Variants in NFE2L3 observed in about 807,000 individuals in gnomAD.
NFE2L3 encodes NFE2 like bZIP transcription factor 3, also known as nuclear factor erythroid 2-related factor 3.
In NFE2L3, 18 loss-of-function variants were observed where a neutral mutation model predicts 23.5. The observed-to-expected ratio is 0.77, with a 90% CI of 0.53 to 1.13. NFE2L3 has a LOEUF of 1.13. Among genes scored for constraint, NFE2L3 ranks in the 50% most tolerant of loss-of-function variants. NFE2L3 has a pLI of 0.00. For missense variants in NFE2L3, 1,152 were observed against 877.2 expected, an observed-to-expected ratio of 1.31 and a Z score of -3.96; for synonymous variants, 424 against 354.5, an observed-to-expected ratio of 1.20 and a Z score of -2.20.
intron 2 of NFE2L3, among the ~76,000 whole-genome samples, chr7:26,183,391 TACA>T (rs1782380040): frequency 6.6e-6 from 1 of 151,832 alleles, no homozygotes; most frequent in Non-Finnish European, 1.5e-5. Flanking sequence ...CTACTAAAAA[TACA>T]AAAATTAGCC....
intron 1 of NFE2L3, among the ~76,000 whole-genome samples, chr7:26,156,848 C>A (rs1784089587): frequency 6.6e-6 from 1 of 151,586 alleles, no homozygotes; most frequent in African/African-American, 2.4e-5. Flanking sequence ...TGTGGTGGCT[C>A]ACACCTGTAA....
At position 26,152,529 on chromosome 7, in the gene NFE2L3, G is replaced by A. The variant is rs1157461126; in HGVS notation, c.31G>A (p.Gly11Ser). 1 of 1,421,814 alleles carries A rather than the reference G, an allele frequency of 7.0e-7. No homozygotes were observed. The highest frequency in any genetic ancestry group is 1.6e-5 in the South Asian group (1 of 63,736). 88.1% of individuals were successfully genotyped at this position (1,421,814 alleles called of 1,614,324 possible). A position where few individuals can be genotyped will look rare whatever the true frequency, so the allele number is the denominator to read the frequency against. Reference sequence around the variant, plus strand: ...GCACCTGAAGCGGTGGTGGTCGGCCGGCGGCGGCCTCCTGCACCTCACCCT... The same window carrying A: ...GCACCTGAAGCGGTGGTGGTCGGCCAGCGGCGGCCTCCTGCACCTCACCCT... MKHLKRWWSA[G>S]GGLLHLTLLL... Residue 11 changes from glycine to serine, a missense_variant, in exon 1 of 4, where the codon GGC becomes AGC. By Grantham distance (56) the Gly-to-Ser change is moderately conservative. Coordinates refer to ENST00000056233, the MANE Select transcript of NFE2L3 (RefSeq NM_004289.7). This position sits in a 1 kb window ranked among gnomAD's most constrained non-coding sequence, Gnocchi z 4.4.
rs183141232 is a variant in NFE2L3, at chr7:26,168,772, C to T, written c.571-9171C>T. Among the ~76,000 whole-genome samples the T allele has an allele frequency of 3.3e-3, 501 of 152,132 alleles. 4 individuals carry two copies. Among genetic ancestry groups the T allele is most frequent in the Admixed American group, 6.6e-3 (101 of 15,268 alleles). Reference sequence around the variant, plus strand: ...ATTGCTGGATCAAATGGTAGTTCTACTCTTAGTTCTTTAAGGAATCTCCGT... The same window carrying T: ...ATTGCTGGATCAAATGGTAGTTCTATTCTTAGTTCTTTAAGGAATCTCCGT... On this transcript the variant is annotated intron_variant, in intron 1 of 3. Coordinates refer to ENST00000056233, the MANE Select transcript of NFE2L3 (RefSeq NM_004289.7).
At chr7:26,160,616 TTTC>T (rs757762453) in intron 1 of NFE2L3, among the ~76,000 whole-genome samples, 1 of 152,192 alleles carries the variant, frequency 6.6e-6, no homozygotes, top group Admixed American at 6.5e-5. Context: ...TCAGGGAGAA[TTTC>T]TTCTTTATCA....
chr7:26,186,703 T>TA lies in NFE2L3; in HGVS notation c.*922dup, dbSNP rs1221490171. 1.2e-4 allele frequency: 18 copies of TA among 152,202 alleles called. No homozygotes were observed. Among genetic ancestry groups the TA allele is most frequent in the African/African-American group, 4.3e-4 (18 of 41,540 alleles). The allele number at this position is 152,202 out of a possible 1,614,324, so 9.4% of individuals were successfully genotyped here. ...ATACTGAGATCTCACCAGAACACTGTAAGCCATATAAACAGTAGGGAAAGA... is the reference window on the plus strand; with the variant it reads ...ATACTGAGATCTCACCAGAACACTGTAAAGCCATATAAACAGTAGGGAAAGA... On this transcript the variant is annotated 3_prime_UTR_variant, in exon 4 of 4. Coordinates refer to ENST00000056233, the MANE Select transcript of NFE2L3 (RefSeq NM_004289.7).
At chr7:26,169,669 C>T (rs1784307531) in intron 1 of NFE2L3, among the ~76,000 whole-genome samples, 1 of 152,224 alleles carries the variant, frequency 6.6e-6, no homozygotes, top group South Asian at 2.1e-4. Flanking sequence ...ATTTGCTTCA[C>T]AATAGGCTCT....
Position 26,185,970 on chromosome 7 carries a change from CAA to C in NFE2L3, c.*188_*189del. The C allele has an allele frequency of 1.9e-6, 1 of 514,640 alleles. No homozygotes were observed. Among genetic ancestry groups the C allele is most frequent in the East Asian group, 3.2e-5 (1 of 31,362 alleles). The allele number at this position is 514,640 out of a possible 1,614,324, so 31.9% of individuals were successfully genotyped here. ...AGGACTTCAAGATCACACTTGTGGGCAATCTGGGGGAGCCACAACTTTTCATG... is the reference window on the plus strand; with the variant it reads ...AGGACTTCAAGATCACACTTGTGGGCTCTGGGGGAGCCACAACTTTTCATG... On this transcript the variant is annotated 3_prime_UTR_variant, in exon 4 of 4. Coordinates refer to ENST00000056233, the MANE Select transcript of NFE2L3 (RefSeq NM_004289.7).
rs184013746 is a variant in NFE2L3, at chr7:26,157,132, A to G, written c.570+4064A>G. On this transcript the variant is annotated intron_variant, in intron 1 of 3. Transcript: ENST00000056233. ...ATCTCAAAAGAAAAAAAAAGAAAAG[A>G]AACTGTTGGGCTGGTTTCTTCAGGG... Among the ~76,000 whole-genome samples the G allele has an allele frequency of 3.2e-4, 48 of 152,138 alleles. 2 individuals carry two copies. Among genetic ancestry groups the G allele is most frequent in the Admixed American group, 1.0e-3 (16 of 15,278 alleles).
At chr7:26,170,319 C>T (rs1235106252) in intron 1 of NFE2L3, among the ~76,000 whole-genome samples, 1 of 152,190 alleles carries the variant, frequency 6.6e-6, no homozygotes, top group African/African-American at 2.4e-5. Flanking sequence ...TCTTTAAGAG[C>T]AGGCAGGCAC....
intron 1 of NFE2L3, among the ~76,000 whole-genome samples, chr7:26,157,806 C>CT (rs951187085): frequency 3.3e-5 from 5 of 152,190 alleles, no homozygotes; most frequent in Non-Finnish European, 7.4e-5. Flanking sequence ...AATTTATTCT[C>CT]TAACAGTTCT....
rs576663631 is a variant in NFE2L3, at chr7:26,186,827, G to T, written c.*1044G>T. ...ATAAACCAGGGTAAGGTAAATTCTAGAAATAATAGCATTTGAAATGAAAAC... is the reference window on the plus strand; with the variant it reads ...ATAAACCAGGGTAAGGTAAATTCTATAAATAATAGCATTTGAAATGAAAAC... On this transcript the variant is annotated 3_prime_UTR_variant, in exon 4 of 4. Transcript: ENST00000056233. The T allele has an allele frequency of 6.6e-6, 1 of 152,214 alleles. No individual in the cohort carries two copies. Among genetic ancestry groups the T allele is most frequent in the African/African-American group, 2.4e-5 (1 of 41,524 alleles). The allele number at this position is 152,214 out of a possible 1,614,324, so 9.4% of individuals were successfully genotyped here.
In NFE2L3 at chr7:26,165,409, C is replaced by T. The variant is rs562125625; in HGVS notation, c.570+12341C>T. ...CCTATGTATTTTATTCTCTTTGAAG[C>T]AATTGTGAATGGGAGTTCACTCATG... On this transcript the variant is annotated intron_variant, in intron 1 of 3. Coordinates refer to ENST00000056233, the MANE Select transcript of NFE2L3 (RefSeq NM_004289.7). 3.9e-5 allele frequency among the ~76,000 whole-genome samples: 6 copies of T among 152,286 alleles called. No homozygotes were observed. In the East Asian group the frequency reaches 1.2e-3, roughly 29 times the overall value.
At chr7:26,155,305 G>A (rs1784063830) in intron 1 of NFE2L3, among the ~76,000 whole-genome samples, 1 of 152,098 alleles carries the variant, frequency 6.6e-6, no homozygotes, top group Non-Finnish European at 1.5e-5. Flanking sequence ...ACTTGGGCGT[G>A]ATTACACATG....
intron 1 of NFE2L3, among the ~76,000 whole-genome samples, chr7:26,168,102 C>T (rs937945772): frequency 2.0e-5 from 3 of 149,170 alleles, no homozygotes; most frequent in African/African-American, 7.4e-5. Context: ...CTGCCTCCCC[C>T]CAAGTCCTTG....
chr7:26,169,941 A>C (rs1374903682), intron 1 of NFE2L3, among the ~76,000 whole-genome samples: 1 of 152,106 alleles, frequency 6.6e-6, no homozygotes, highest in Admixed American at 6.5e-5. Flanking sequence ...CTACCAAAAA[A>C]AAAAATGCTT....
At position 26,185,710 on chromosome 7, in the gene NFE2L3, G is replaced by T. The variant is rs1335301419; in HGVS notation, c.2012G>T (p.Ser671Ile). 42 of 1,613,418 alleles carry T rather than the reference G, an allele frequency of 2.6e-5. No individual in the cohort carries two copies. In the Admixed American group the frequency reaches 7.0e-4, roughly 27 times the overall value. Residue 671 changes from serine (S) to isoleucine (I), a missense_variant, in exon 4 of 4, where the codon AGT becomes ATT. Ser to Ile is a moderately radical substitution (Grantham distance 142). Transcript: ENST00000056233. ...GCTCTCCAGTGTACCCATGATGGAA[G>T]TATCTTGATAGTACCCAAAGAACTG... is the stretch of plus-strand genomic sequence containing the variant. ...HYALQCTHDG[S>I]ILIVPKELVA...
rs181296962 is a variant in NFE2L3, at chr7:26,155,279, T to C, written c.570+2211T>C. On this transcript the variant is annotated intron_variant, in intron 1 of 3. Transcript: ENST00000056233. ...GCAACATGGTGAACCCCATCTTTAC[T>C]AAAAATACAAAAATTACTTGGGCGT... Among the ~76,000 whole-genome samples, 209 of 152,130 alleles carry C rather than the reference T, an allele frequency of 1.4e-3. 1 individual carries two copies. Among genetic ancestry groups the C allele is most frequent in the East Asian group, 7.7e-4 (4 of 5,174 alleles).
Position 26,183,701 on chromosome 7 carries a change from A to G in NFE2L3, c.751A>G (p.Arg251Gly). 6.2e-7 allele frequency: 1 copy of G among 1,602,258 alleles called. No individual in the cohort carries two copies. The highest frequency in any genetic ancestry group is 2.2e-5 in the East Asian group (1 of 44,826). ...AEKTTESRNERHLNGTDTSFS... is the reference protein window; with the variant it reads ...AEKTTESRNEGHLNGTDTSFS... ...ATGCACTTTTTGTGTTTCTCTACAG[A>G]GACATCTGAATGGGACAGATACTTC... Residue 251 changes from arginine (R) to glycine (G), a missense_variant and splice_region_variant, in exon 3 of 4, where the codon AGA becomes GGA. Transcript: ENST00000056233.
intron 2 of NFE2L3, among the ~76,000 whole-genome samples, chr7:26,181,857 G>T (rs1014344756): frequency 2.0e-5 from 3 of 152,158 alleles, no homozygotes; most frequent in Non-Finnish European, 2.9e-5. Flanking sequence ...AAATTCAGTG[G>T]AAGTGATGTG....
Sources: gnomAD v4.1 joint callset for allele counts (sites outside exome capture counted in the v4.1 genomes callset) on GRCh38, gnomAD v4.1.1 for gene constraint, Gnocchi (gnomAD v3.1) non-coding constraint, MANE v1.5 for transcripts, NCBI Gene and HGNC (gene_info 2026-07-23, HGNC 2026-07-21) for gene names.